The following SLIT2 variants were observed in gnomAD, a reference collection of about 807,000 sequenced individuals.
SLIT2 encodes slit homolog 2 protein.
SLIT2 carries 41 observed loss-of-function variants against 185.7 expected under a neutral mutation model. That is an observed-to-expected ratio of 0.22 (90% confidence interval 0.17 to 0.29). SLIT2 has a LOEUF of 0.29. Among genes scored for constraint, SLIT2 ranks in the 10% least tolerant of loss-of-function variants. The pLI, the probability that SLIT2 is intolerant of heterozygous loss-of-function variation, is 1.00. For missense variants in SLIT2, 1,571 were observed against 1,909.0 expected (o/e 0.82, Z 3.30); for synonymous variants, 693 against 680.2 (o/e 1.02, Z -0.29).
At chr4:20,336,289 C>G (rs1262067794) in intron 4 of SLIT2, among the ~76,000 whole-genome samples, 2 of 152,146 alleles carry the variant, frequency 1.3e-5, no homozygotes, top group Non-Finnish European at 2.9e-5. Context: ...CCCAAATGTC[C>G]ATCAGTGATA....
intron 4 of SLIT2, among the ~76,000 whole-genome samples, chr4:20,390,081 A>G (rs1725294329): frequency 6.6e-6 from 1 of 152,060 alleles, no homozygotes; most frequent in Non-Finnish European, 1.5e-5. Flanking sequence ...TTCTTTGATC[A>G]TAGTCCGTAT....
chr4:20,524,208 A>T (rs748490371), intron 14 of SLIT2, 31 bp downstream of exon 14: 21 of 1,609,072 alleles, frequency 1.3e-5, no homozygotes, highest in Non-Finnish European at 1.8e-5. Flanking sequence ...TTCCCCTGTG[A>T]CCAACAACAA....
chr4:20,503,944 T>C (rs1718969498), intron 9 of SLIT2, among the ~76,000 whole-genome samples: 1 of 152,122 alleles, frequency 6.6e-6, no homozygotes, highest in Non-Finnish European at 1.5e-5. Context: ...AGGGCTAATA[T>C]TCATTAAGCT....
chr4:20,421,216 G>A (rs1414520109), intron 4 of SLIT2, among the ~76,000 whole-genome samples: 1 of 152,166 alleles, frequency 6.6e-6, no homozygotes, highest in African/African-American at 2.4e-5. Flanking sequence ...TGAAAAATAT[G>A]TATCAGACTT....
intron 3 of SLIT2, among the ~76,000 whole-genome samples, chr4:20,258,544 T>C (rs150960010): frequency 6.8e-4 from 104 of 151,914 alleles, no homozygotes; most frequent in Admixed American, 6.1e-3. Flanking sequence ...CAAATTGTGG[T>C]CATTCAAAGT....
At chr4:20,408,191 A>T (rs1255273400) in intron 4 of SLIT2, among the ~76,000 whole-genome samples, 1 of 152,198 alleles carries the variant, frequency 6.6e-6, no homozygotes, top group Non-Finnish European at 1.5e-5. Flanking sequence ...CATCTCAGCG[A>T]TTAGCTGGGC....
At chr4:20,594,180 CAT>C (rs1217205576) in intron 30 of SLIT2, among the ~76,000 whole-genome samples, 1 of 146,248 alleles carries the variant, frequency 6.8e-6, no homozygotes, top group African/African-American at 2.5e-5. Context: ...TATGTATGTA[CAT>C]GTGTGTATAT....
At chr4:20,343,607 T>G (rs1412970790) in intron 4 of SLIT2, among the ~76,000 whole-genome samples, 1 of 151,908 alleles carries the variant, frequency 6.6e-6, no homozygotes, top group African/African-American at 2.4e-5. Flanking sequence ...GCTTAAGCAG[T>G]CTTTCCATTT....
chr4:20,361,771 T>C (rs1452726412), intron 4 of SLIT2, among the ~76,000 whole-genome samples: 1 of 152,104 alleles, frequency 6.6e-6, no homozygotes, highest in East Asian at 1.9e-4. Flanking sequence ...TCTCTAAGTA[T>C]ATTTTATTTT....
chr4:20,518,534 G>T (rs1720471486), intron 11 of SLIT2, among the ~76,000 whole-genome samples: 1 of 102,116 alleles, frequency 9.8e-6, no homozygotes, highest in Admixed American at 1.2e-4. Flanking sequence ...TTACAGGCAT[G>T]AGCCACTGTG....
intron 4 of SLIT2, among the ~76,000 whole-genome samples, chr4:20,317,546 A>C (rs1185694796): frequency 6.6e-6 from 1 of 152,020 alleles, no homozygotes; most frequent in Non-Finnish European, 1.5e-5. Flanking sequence ...CTCTTTTATT[A>C]GGTTCTCTAA....
At chr4:20,371,995 AAG>A (rs1167839268) in intron 4 of SLIT2, among the ~76,000 whole-genome samples, 3 of 152,150 alleles carry the variant, frequency 2.0e-5, no homozygotes, top group African/African-American at 7.2e-5. Context: ...TTTTAACAAA[AAG>A]AGAGATTCCA....
intron 11 of SLIT2, among the ~76,000 whole-genome samples, chr4:20,514,577 G>T (rs1001517443): frequency 6.6e-6 from 1 of 152,058 alleles, no homozygotes; most frequent in Non-Finnish European, 1.5e-5. Context: ...CCCGGGAGAC[G>T]AATGTTGTAG....
chr4:20,606,169 C>A (rs1169372911), intron 33 of SLIT2, among the ~76,000 whole-genome samples: 4 of 152,140 alleles, frequency 2.6e-5, no homozygotes, highest in Admixed American at 2.6e-4. Context: ...CTGAAAAATT[C>A]TCTTTAGGTC....
chr4:20,603,406 T>A (rs1033678667), intron 33 of SLIT2, among the ~76,000 whole-genome samples: 1 of 152,154 alleles, frequency 6.6e-6, no homozygotes, highest in African/African-American at 2.4e-5. Flanking sequence ...GAAAAATGAA[T>A]GGCAGCCTAA....
intron 26 of SLIT2, among the ~76,000 whole-genome samples, chr4:20,566,641 G>A (rs1473063039): frequency 6.6e-6 from 1 of 151,976 alleles, no homozygotes; most frequent in African/African-American, 2.4e-5. Context: ...CACATATTGT[G>A]CAAATGAACC....
chr4:20,523,819 A>G lies in SLIT2; in HGVS notation c.1190A>G (p.Asn397Ser), dbSNP rs200038539. 168 of 1,613,878 alleles carry G rather than the reference A, an allele frequency of 1.0e-4. No homozygotes were observed. The highest frequency in any genetic ancestry group is 2.8e-5 in the Non-Finnish European group (33 of 1,179,866). The change falls in exon 13 of 37, where the codon AAC becomes AGC. Residue 397 changes from asparagine to serine, a missense_variant. This residue lies in a region of SLIT2 where 1,202 missense variants were observed against 1,416.4 expected (regional missense o/e 0.85). Coordinates refer to ENST00000504154, the MANE Select transcript of SLIT2 (RefSeq NM_004787.4). Reference protein sequence around the residue: ...LRVDAFQDLHNLNLLSLYDNK... With the variant: ...LRVDAFQDLHSLNLLSLYDNK... ...GTAGATGCTTTTCAGGATCTCCACA[A>G]CTTGAACCTTCTCTCCCTATATGAC...
chr4:20,320,569 T>A (rs761020598), intron 4 of SLIT2, among the ~76,000 whole-genome samples: 5 of 152,140 alleles, frequency 3.3e-5, no homozygotes, highest in African/African-American at 4.8e-5. Flanking sequence ...TTCTCGTCAC[T>A]GAATCTGATA....
intron 4 of SLIT2, among the ~76,000 whole-genome samples, chr4:20,276,655 A>T: frequency 6.6e-6 from 1 of 152,204 alleles, no homozygotes; most frequent in East Asian, 1.9e-4. Context: ...AATTGGAAAA[A>T]ATAGCTTTGC....
Sources: gnomAD v4.1 joint callset for allele counts (sites outside exome capture counted in the v4.1 genomes callset) on GRCh38, gnomAD v4.1.1 for gene constraint, gnomAD v4.1.1 regional missense constraint, MANE v1.5 for transcripts, NCBI Gene and HGNC (gene_info 2026-07-23, HGNC 2026-07-21) for gene names.